Variants in SFRP1 observed in about 807,000 individuals in gnomAD.
SFRP1 encodes secreted frizzled related protein 1, also known as secreted frizzled-related protein 1.
SFRP1 carries 9 observed loss-of-function variants against 25.9 expected under a neutral mutation model. The ratio of observed to expected loss-of-function variants is 0.35; its 90% CI spans 0.21 to 0.61. The LOEUF is 0.61. Among genes scored for constraint, SFRP1 ranks in the 20% least tolerant of loss-of-function variants. The pLI, the probability that SFRP1 is intolerant of heterozygous loss-of-function variation, is 0.78. For missense variants in SFRP1, 346 were observed against 418.2 expected (o/e 0.83, Z 1.51); for synonymous variants, 178 against 174.0 (o/e 1.02, Z -0.18).
intron 2 of SFRP1, among the ~76,000 whole-genome samples, chr8:41,266,826 A>G (rs902868141): frequency 5.3e-5 from 8 of 152,176 alleles, no homozygotes; most frequent in Admixed American, 2.6e-4. Flanking sequence ...GAGTCCTATA[A>G]AATGACAGGC....
chr8:41,291,348 T>C (rs1803777515), intron 2 of SFRP1, among the ~76,000 whole-genome samples: 1 of 152,144 alleles, frequency 6.6e-6, no homozygotes, highest in Non-Finnish European at 1.5e-5. Flanking sequence ...TTGCCTGTTT[T>C]GTCATCATTT....
intron 2 of SFRP1, chr8:41,277,057 A>G (rs1563360652): frequency 1.5e-5 from 7 of 456,168 alleles, no homozygotes; most frequent in Non-Finnish European, 8.8e-6. Flanking sequence ...AATGGTGCAA[A>G]ATGAAAACCC....
At chr8:41,271,923 C>T (rs865775637) in intron 2 of SFRP1, among the ~76,000 whole-genome samples, 57 of 152,028 alleles carry the variant, frequency 3.7e-4, no homozygotes, top group African/African-American at 1.2e-3. Context: ...TATGACTGCA[C>T]CCCTGCGCTC....
At chr8:41,278,787 T>C (rs1176107851) in intron 2 of SFRP1, among the ~76,000 whole-genome samples, 3 of 152,200 alleles carry the variant, frequency 2.0e-5, no homozygotes, top group Admixed American at 2.0e-4. Flanking sequence ...TGCCATCCCA[T>C]GTGACAGATG....
intron 2 of SFRP1, among the ~76,000 whole-genome samples, chr8:41,293,128 C>T (rs1030362567): frequency 1.3e-5 from 2 of 152,250 alleles, no homozygotes; most frequent in African/African-American, 4.8e-5. Context: ...GAACTCCTTC[C>T]CCTCACAGCT....
At chr8:41,300,786 C>A (rs947686006) in intron 2 of SFRP1, among the ~76,000 whole-genome samples, 1 of 152,188 alleles carries the variant, frequency 6.6e-6, no homozygotes, top group Non-Finnish European at 1.5e-5. Context: ...CAGAGCCCTG[C>A]AAGCTGATGG....
At chr8:41,291,055 C>T (rs1189296208) in intron 2 of SFRP1, among the ~76,000 whole-genome samples, 1 of 151,060 alleles carries the variant, frequency 6.6e-6, no homozygotes, top group Non-Finnish European at 1.5e-5. Context: ...TACAGGCGCC[C>T]GCCACCAGGC....
At chr8:41,270,087 G>A (rs913574813) in intron 2 of SFRP1, among the ~76,000 whole-genome samples, 3 of 152,258 alleles carry the variant, frequency 2.0e-5, no homozygotes, top group Non-Finnish European at 2.9e-5. Flanking sequence ...AGGGGGCCAC[G>A]CCAACCCATA....
intron 2 of SFRP1, among the ~76,000 whole-genome samples, chr8:41,301,769 C>T (rs1803919572): frequency 6.6e-6 from 1 of 152,224 alleles, no homozygotes; most frequent in Non-Finnish European, 1.5e-5. Context: ...GCTAAAGGAA[C>T]CCAATCCCAA....
chr8:41,288,228 C>A (rs111655136), intron 2 of SFRP1, among the ~76,000 whole-genome samples: 67 of 151,912 alleles, frequency 4.4e-4, no homozygotes, highest in African/African-American at 1.4e-3. Context: ...TGTTGTGGGA[C>A]GTGCCTGTAA....
rs774055361 is a variant in SFRP1 at position 41,308,618 on chromosome 8, T to C, written c.542A>G (p.Gln181Arg). The change falls in exon 1 of 3, where the codon CAA (glutamine) becomes CGA (arginine). Residue 181 changes from glutamine (Q) to arginine (R), a missense_variant and splice_region_variant. Physicochemically the swap from Gln to Arg is conservative, Grantham distance 43. Transcript: ENST00000220772. ...CACGTGGGAGGAGGCAGCCTTACCT[T>C]GGGGCTTGGAGGCTTCGGTGGCATT... ...PPNATEASKPQGTTVCPPCDN... is the reference protein window; with the variant it reads ...PPNATEASKPRGTTVCPPCDN... 3 of 1,589,696 alleles carry C rather than the reference T, an allele frequency of 1.9e-6. No homozygotes were observed. The highest frequency in any genetic ancestry group is 2.3e-5 in the East Asian group (1 of 44,276).
intron 2 of SFRP1, among the ~76,000 whole-genome samples, chr8:41,279,575 G>A (rs776460438): frequency 3.3e-5 from 5 of 151,976 alleles, no homozygotes; most frequent in East Asian, 1.9e-4. Context: ...GAAGCAAAAC[G>A]AACCACATAA....
At chr8:41,297,720 A>C (rs1321752671) in intron 2 of SFRP1, among the ~76,000 whole-genome samples, 1 of 151,868 alleles carries the variant, frequency 6.6e-6, no homozygotes, top group Non-Finnish European at 1.5e-5. Context: ...TAGGGTAGGG[A>C]TTTAATCCAA....
chr8:41,279,272 C>A (rs1024351634), intron 2 of SFRP1, among the ~76,000 whole-genome samples: 2 of 152,136 alleles, frequency 1.3e-5, no homozygotes, highest in Non-Finnish European at 2.9e-5. Context: ...GACTCACTCG[C>A]CAGACTGGAA....
At chr8:41,281,871 C>A (rs945391669) in intron 2 of SFRP1, among the ~76,000 whole-genome samples, 1 of 152,320 alleles carries the variant, frequency 6.6e-6, no homozygotes, top group African/African-American at 2.4e-5. Context: ...CTACCCTGAT[C>A]GTGATTTGTC....
intron 2 of SFRP1, among the ~76,000 whole-genome samples, chr8:41,285,543 C>G (rs907440992): frequency 1.3e-4 from 15 of 111,908 alleles, no homozygotes; most frequent in African/African-American, 6.8e-4. Flanking sequence ...TCAGATAAGT[C>G]GTTTCCTAAA....
intron 2 of SFRP1, among the ~76,000 whole-genome samples, chr8:41,303,118 G>A (rs554750146): frequency 8.5e-4 from 128 of 151,228 alleles, no homozygotes; most frequent in African/African-American, 2.6e-3. Context: ...ACAGTAGCAG[G>A]TGGCAACTTG....
chr8:41,306,332 G>T (rs1296118902), intron 1 of SFRP1, among the ~76,000 whole-genome samples: 1 of 152,190 alleles, frequency 6.6e-6, no homozygotes, highest in Non-Finnish European at 1.5e-5. Context: ...TAATTTTAAA[G>T]AATAAAAGCA....
chr8:41,270,005 AAACACCCCTCAACCCT>A (rs1803484327), intron 2 of SFRP1, among the ~76,000 whole-genome samples: 1 of 152,208 alleles, frequency 6.6e-6, no homozygotes, highest in Non-Finnish European at 1.5e-5. Flanking sequence ...TAAATGGAGG[AAACACCCCTCAACCCT>A]AAGTGCCGAA....
Sources: gnomAD v4.1 joint callset for allele counts (sites outside exome capture counted in the v4.1 genomes callset) on GRCh38, gnomAD v4.1.1 for gene constraint, MANE v1.5 for transcripts, NCBI Gene and HGNC (gene_info 2026-07-23, HGNC 2026-07-21) for gene names.